The following FDPS variants were observed in gnomAD, a reference collection of about 807,000 sequenced individuals.
The protein encoded by FDPS is farnesyl pyrophosphate synthase.
A neutral mutation model predicts 49.5 loss-of-function variants in FDPS; 29 were observed. That is an observed-to-expected ratio of 0.59 (90% CI 0.44 to 0.80). FDPS has a LOEUF of 0.80. Among genes scored for constraint, FDPS ranks in the 30% least tolerant of loss-of-function variants. The pLI is 0.00. For synonymous variants in FDPS, 172 were observed against 206.4 expected (o/e 0.83, Z 1.43); for missense variants, 414 against 525.6 (o/e 0.79, Z 2.08).
chr1:155,317,833 C>T (rs1209764508), intron 4 of FDPS, 108 bp from the exon 5 acceptor site: 1 of 815,168 alleles, frequency 1.2e-6, no homozygotes. Context: ...AGACTCTGTC[C>T]CCTACCAAAA....
chr1:155,315,891 A>G (rs1305786405), intron 4 of FDPS, among the ~76,000 whole-genome samples: 2 of 150,368 alleles, frequency 1.3e-5, no homozygotes, highest in Non-Finnish European at 1.5e-5. Context: ...CACACAAACC[A>G]TGTCTTCTGC....
rs368464182 is a variant in FDPS at position 155,311,116 on chromosome 1, G to T, written c.339+911G>T. Among the ~76,000 whole-genome samples the T allele has an allele frequency of 7.2e-5, 11 of 152,118 alleles. No individual in the cohort carries two copies. The South Asian group carries it at 2.1e-3, about 29-fold the overall frequency. On this transcript the variant is annotated intron_variant, in intron 3 of 10. Transcript: ENST00000368356. The stretch of plus-strand genomic sequence containing the variant: ...GACTTTGGGAGGCTGAGGTGGGGGG[G>T]ATCATGAGGTCAGGAGTTCGAGACC...
rs1415963712 is a variant in FDPS at position 155,309,560 on chromosome 1, A to G, written c.-1-229A>G. ...CGCCATCTTGAAGGCACTGAGTTCT[A>G]GCCTGTTTATTGTAAGTGGTGATTA... On this transcript the variant is annotated intron_variant, in intron 1 of 10. Transcript: ENST00000368356. The G allele has an allele frequency of 1.3e-5, 6 of 465,916 alleles. No individual in the cohort carries two copies. In the South Asian group the frequency reaches 2.3e-4, roughly 18 times the overall value. 28.9% of individuals were successfully genotyped at this position (465,916 alleles called of 1,614,324 possible). A position where few individuals can be genotyped will look rare whatever the true frequency, so the allele number is the denominator to read the frequency against.
At position 155,315,216 on chromosome 1, in the gene FDPS, G is replaced by T. The variant is rs148560754; in HGVS notation, c.481-2725G>T. Reference sequence around the variant, plus strand: ...TCCTTTGCAATGTGGATCCACTACAGCACACAGGATTAGGATGGGATAAAG... The same window carrying T: ...TCCTTTGCAATGTGGATCCACTACATCACACAGGATTAGGATGGGATAAAG... On this transcript the variant is annotated intron_variant, in intron 4 of 10. Transcript: ENST00000368356. Among the ~76,000 whole-genome samples, 464 of 152,316 alleles carry T rather than the reference G, an allele frequency of 3.0e-3. 1 individual carries two copies. The highest frequency in any genetic ancestry group is 0.011 in the African/African-American group (447 of 41,562).
At position 155,318,257 on chromosome 1, in the gene FDPS, C is replaced by T. The variant is rs1649722994; in HGVS notation, c.650C>T (p.Pro217Leu). Residue 217 changes from proline (P) to leucine (L), a missense_variant, in exon 6 of 11, where the codon CCC becomes CTC. Transcript: ENST00000368356. This position sits in a 1 kb window ranked among gnomAD's most constrained non-coding sequence, Gnocchi z 4.2. ...RLLKLYCREQ[P>L]YYLNLIELFL... is the part of the protein sequence containing the mutation. The stretch of plus-strand genomic sequence containing the variant: ...CTGAAGCTCTATTGCCGGGAGCAGC[C>T]CTATTACCTGAACCTGATCGAGCTC... 3 of 1,613,540 alleles carry T rather than the reference C, an allele frequency of 1.9e-6. No homozygotes were observed. The highest frequency in any genetic ancestry group is 1.1e-5 in the South Asian group (1 of 91,080).
Position 155,310,072 on chromosome 1 carries a change from G to A in FDPS, c.206G>A (p.Gly69Glu), listed in dbSNP as rs1291341666. The change falls in exon 3 of 11, where the codon GGA becomes GAA. Residue 69 changes from glycine to glutamate, a missense_variant. By Grantham distance (98) the Gly-to-Glu change is moderately conservative. Coordinates refer to ENST00000368356, the MANE Select transcript of FDPS (RefSeq NM_002004.4). Reference protein sequence around the residue: ...RALCSSLRMNGDQNSDVYAQE... With the variant: ...RALCSSLRMNEDQNSDVYAQE... ...CTTTGCTCCTCCCTCAGAATGAACG[G>A]AGACCAGAATTCAGATGTTTATGCC... The A allele has an allele frequency of 6.2e-7, 1 of 1,613,792 alleles. No homozygotes were observed. The highest frequency in any genetic ancestry group is 1.3e-5 in the African/African-American group (1 of 74,916).
chr1:155,310,200 A>C lies in FDPS; in HGVS notation c.334A>C (p.Lys112Gln), dbSNP rs768708386. 6.2e-6 allele frequency: 10 copies of C among 1,613,734 alleles called. No individual in the cohort carries two copies. The part of the protein sequence containing the change: ...PEIGDAIARL[K>Q]EVLEYNAIGG... ...GATAGGAGATGCTATTGCCCGGCTC[A>C]AGGAGGTGAGGGATTCATGACTTGG... Residue 112 changes from lysine to glutamine, a missense_variant, in exon 3 of 11, where the codon AAG becomes CAG. Transcript: ENST00000368356.
rs866155444 is a variant in FDPS, at chr1:155,318,763, G to A, written c.773+10G>A. ...GATTCACTGAAAAGAGGTGAGGGGA[G>A]GTGAGGGACAGCGCGAACCATGTCT... On this transcript the variant is annotated intron_variant, in intron 7 of 10. Transcript: ENST00000368356. The surrounding 1 kb of genome is among the most constrained non-coding windows in gnomAD (Gnocchi z 4.2). 14 of 1,608,924 alleles carry A rather than the reference G, an allele frequency of 8.7e-6. No individual in the cohort carries two copies. The highest frequency in any genetic ancestry group is 5.0e-5 in the Admixed American group (3 of 59,926).
intron 10 of FDPS, 85 bp downstream of exon 10, chr1:155,320,013 G>T: frequency 6.7e-7 from 1 of 1,490,132 alleles, no homozygotes; most frequent in Non-Finnish European, 9.2e-7. Context: ...TTCCTCCCGA[G>T]GGGACATTTG....
chr1:155,320,593 A>G lies in FDPS; in HGVS notation c.1244A>G (p.Tyr415Cys), dbSNP rs1650276872. 9.9e-6 allele frequency: 16 copies of G among 1,614,142 alleles called. No homozygotes were observed. The highest frequency in any genetic ancestry group is 1.2e-5 in the Non-Finnish European group (14 of 1,180,018). Residue 415 changes from tyrosine to cysteine, a missense_variant, in exon 11 of 11, where the codon TAC (tyrosine) becomes TGC (cysteine). By Grantham distance (194) the Tyr-to-Cys change is radical (BLOSUM62 -2). Transcript: ENST00000368356. The stretch of plus-strand genomic sequence containing the variant: ...TTTCTGGGGCTTGCGCGCAAAATCT[A>G]CAAGCGGAGAAAGTGACCTAGAGAT... ...AVFLGLARKI[Y>C]KRRK
At chr1:155,311,109 TG>T (rs1265837263) in intron 3 of FDPS, among the ~76,000 whole-genome samples, 2 of 151,620 alleles carry the variant, frequency 1.3e-5, no homozygotes, top group Non-Finnish European at 1.5e-5. Flanking sequence ...GAGGCTGAGG[TG>T]GGGGGGATCA....
At position 155,310,236 on chromosome 1, in the gene FDPS, C is replaced by T. The variant is rs201779683; in HGVS notation, c.339+31C>T. 6 of 1,610,226 alleles carry T rather than the reference C, an allele frequency of 3.7e-6. No homozygotes were observed. In the East Asian group the frequency reaches 1.3e-4, roughly 36 times the overall value. On this transcript the variant is annotated intron_variant, in intron 3 of 10. Transcript: ENST00000368356. ...GGATTCATGACTTGGGGGAGTAAGGCTTTGGTTCAGTTGCTCTGTACCTGT... is the reference window on the plus strand; with the variant it reads ...GGATTCATGACTTGGGGGAGTAAGGTTTTGGTTCAGTTGCTCTGTACCTGT...
Position 155,319,577 on chromosome 1 carries a change from G to A in FDPS, c.847-34G>A, listed in dbSNP as rs746770296. ...CAGCCAGGAAGATGCCGGCACCCCT[G>A]GGGTTTGGCTTATTAACCCCCCTTT... On this transcript the variant is annotated intron_variant, in intron 8 of 10. Coordinates refer to ENST00000368356, the MANE Select transcript of FDPS (RefSeq NM_002004.4). 16 of 1,611,512 alleles carry A rather than the reference G, an allele frequency of 9.9e-6. No homozygotes were observed. In the South Asian group the frequency reaches 1.6e-4, roughly 17 times the overall value.
intron 4 of FDPS, chr1:155,316,803 AAAG>A (rs1649485871): frequency 6.6e-6 from 1 of 152,104 alleles, no homozygotes; most frequent in Admixed American, 6.5e-5. Context: ...AAAAAAAAAA[AAAG>A]AAAAGCTATT....
chr1:155,320,034 C>A, intron 10 of FDPS, 106 bp downstream of exon 10: 2 of 1,361,078 alleles, frequency 1.5e-6, no homozygotes, highest in African/African-American at 1.4e-5. Context: ...GCAATGTCAG[C>A]AGACATTTTT....
Position 155,319,932 on chromosome 1 carries a change from C to A in FDPS, c.1059+4C>A, listed in dbSNP as rs767089569. ...AGAACAGTACCAGATCCTGAAGGTG[C>A]CTGAGAGAGGGTGGTGGGTCCCTGA... On this transcript the variant is annotated splice_donor_region_variant and intron_variant, in intron 10 of 10. Coordinates refer to ENST00000368356, the MANE Select transcript of FDPS (RefSeq NM_002004.4). 1.9e-6 allele frequency: 3 copies of A among 1,613,614 alleles called. No individual in the cohort carries two copies. Among genetic ancestry groups the A allele is most frequent in the South Asian group, 2.2e-5 (2 of 91,056 alleles).
Position 155,320,575 on chromosome 1 carries a change from G to C in FDPS, c.1226G>C (p.Gly409Ala). ...CCCCTGCCCCCAGCCGTCTTTCTGG[G>C]GCTTGCGCGCAAAATCTACAAGCGG... ...AAPLPPAVFL[G>A]LARKIYKRRK The change falls in exon 11 of 11, where the codon GGG (glycine) becomes GCG (alanine). Residue 409 changes from glycine to alanine, a missense_variant. Coordinates refer to ENST00000368356, the MANE Select transcript of FDPS (RefSeq NM_002004.4). 1 of 1,614,126 alleles carries C rather than the reference G, an allele frequency of 6.2e-7. No individual in the cohort carries two copies. The highest frequency in any genetic ancestry group is 1.1e-5 in the South Asian group (1 of 91,078).
intron 1 of FDPS, 68 bp from the exon 2 acceptor site, chr1:155,309,721 C>A: frequency 7.3e-7 from 1 of 1,369,964 alleles, no homozygotes; most frequent in Non-Finnish European, 9.7e-7. Flanking sequence ...GAGCTGCCAC[C>A]ATGCCTCTGC....
chr1:155,320,147 C>T, intron 10 of FDPS: 2 of 655,080 alleles, frequency 3.1e-6, no homozygotes, highest in Non-Finnish European at 5.2e-6. Context: ...ACAGCTCCCC[C>T]AGACAGGATT....
Sources: allele counts gnomAD v4.1 joint callset (sites outside exome capture counted in the v4.1 genomes callset), GRCh38; gene constraint gnomAD v4.1.1; non-coding constraint Gnocchi (gnomAD v3.1); transcripts MANE v1.5; gene names NCBI Gene and HGNC (gene_info 2026-07-23, HGNC 2026-07-21).